The following ARHGAP22 variants were observed in gnomAD, a reference collection of about 807,000 sequenced individuals.
ARHGAP22 encodes rho GTPase-activating protein 22.
Under a neutral mutation model 59.1 loss-of-function variants are expected in ARHGAP22, and 48 were observed. The observed-to-expected ratio is 0.81, with a 90% CI of 0.64 to 1.03. The LOEUF (loss-of-function observed/expected upper bound fraction) is 1.03, where lower values mean the gene tolerates loss of function less well. Ranked by LOEUF, ARHGAP22 falls within the 50% of genes least tolerant of loss-of-function variation. ARHGAP22 has a pLI of 0.00. For synonymous variants in ARHGAP22, 445 were observed against 416.4 expected (o/e 1.07, Z -0.84); for missense variants, 1,015 against 958.7 (o/e 1.06, Z -0.78).
intron 5 of ARHGAP22, among the ~76,000 whole-genome samples, chr10:48,459,399 G>T (rs1011984100): frequency 6.6e-6 from 1 of 152,238 alleles, no homozygotes; most frequent in African/African-American, 2.4e-5. Context: ...TCACATGGGA[G>T]CCAGCAGAGG....
chr10:48,604,687 G>T, intron 1 of ARHGAP22, 76 bp downstream of exon 1: 1 of 1,610,694 alleles, frequency 6.2e-7, no homozygotes, highest in Non-Finnish European at 8.5e-7. Context: ...ATGGCGTGAC[G>T]GCTGGCCAAG....
intron 2 of ARHGAP22, among the ~76,000 whole-genome samples, chr10:48,555,877 C>T (rs2057276599): frequency 6.6e-6 from 1 of 152,168 alleles, no homozygotes; most frequent in African/African-American, 2.4e-5. Flanking sequence ...CTTTCTGGGC[C>T]AGCAGGGTTT....
At chr10:48,643,124 C>G (rs2062125391) in intron 1 of ARHGAP22, among the ~76,000 whole-genome samples, 1 of 152,146 alleles carries the variant, frequency 6.6e-6, no homozygotes, top group Non-Finnish European at 1.5e-5. Flanking sequence ...AATAGGAACA[C>G]TTTTACACTG....
At chr10:48,549,017 T>C (rs560963105) in intron 3 of ARHGAP22, among the ~76,000 whole-genome samples, 2 of 152,306 alleles carry the variant, frequency 1.3e-5, no homozygotes, top group African/African-American at 2.4e-5. Context: ...GCCTGTTAGA[T>C]GGGTTAGTAG....
chr10:48,577,085 A>G (rs2058764422), intron 2 of ARHGAP22, among the ~76,000 whole-genome samples: 1 of 151,806 alleles, frequency 6.6e-6, no homozygotes, highest in African/African-American at 2.4e-5. Flanking sequence ...AACTCCTTCT[A>G]TTCGGACATT....
At chr10:48,520,515 A>C (rs945339725) in intron 3 of ARHGAP22, among the ~76,000 whole-genome samples, 9 of 152,150 alleles carry the variant, frequency 5.9e-5, no homozygotes, top group South Asian at 2.1e-4. Flanking sequence ...GGAGGAGGAC[A>C]AAGGGGATTC....
intron 3 of ARHGAP22, among the ~76,000 whole-genome samples, chr10:48,496,789 G>A (rs1048660051): frequency 6.6e-6 from 1 of 152,184 alleles, no homozygotes; most frequent in Non-Finnish European, 1.5e-5. Context: ...GTAATGGAGG[G>A]GGGCTGCATC....
At chr10:48,561,085 G>T (rs1310697256) in intron 2 of ARHGAP22, among the ~76,000 whole-genome samples, 2 of 152,078 alleles carry the variant, frequency 1.3e-5, no homozygotes, top group Non-Finnish European at 2.9e-5. Flanking sequence ...TTGATTTCAA[G>T]ACATTGTAAA....
intron 5 of ARHGAP22, 45 bp from the exon 6 acceptor site, chr10:48,455,179 G>T: frequency 6.4e-7 from 1 of 1,555,638 alleles, no homozygotes. Flanking sequence ...GGGATGCCAG[G>T]GGACTTCAGG....
intron 1 of ARHGAP22, among the ~76,000 whole-genome samples, chr10:48,629,247 A>G (rs1348252419): frequency 6.6e-6 from 1 of 152,208 alleles, no homozygotes; most frequent in African/African-American, 2.4e-5. Flanking sequence ...TGGAAAGCCC[A>G]GCTAACCCTC....
At chr10:48,450,119 C>T in intron 9 of ARHGAP22, 142 bp downstream of exon 9, 1 of 1,261,702 alleles carries the variant, frequency 7.9e-7, no homozygotes, top group Non-Finnish European at 1.1e-6. Flanking sequence ...TAGGGCTTTC[C>T]CAGAGCTAGG....
At chr10:48,640,381 C>A (rs923763032) in intron 1 of ARHGAP22, among the ~76,000 whole-genome samples, 2 of 152,130 alleles carry the variant, frequency 1.3e-5, no homozygotes, top group East Asian at 3.8e-4. Flanking sequence ...ATAATTATCT[C>A]AAAGAATCCC....
At position 48,450,351 on chromosome 10, in the gene ARHGAP22, G is replaced by A. The variant is rs750723966; in HGVS notation, c.1778C>T (p.Ala593Val). The change falls in exon 9 of 10, where the codon GCG becomes GTG. Residue 593 changes from alanine to valine, a missense_variant. Coordinates refer to ENST00000249601, the MANE Select transcript of ARHGAP22 (RefSeq NM_021226.4). ...CCCCTGTAAGGCCTCGGAGCGGCGCGCGTGTTCCCGGGTGGGGCTGTCCGG... is the reference window on the plus strand; with the variant it reads ...CCCCTGTAAGGCCTCGGAGCGGCGCACGTGTTCCCGGGTGGGGCTGTCCGG... ...SEPDSPTREH[A>V]RRSEALQGLV... 43 of 1,590,986 alleles carry A rather than the reference G, an allele frequency of 2.7e-5. No individual in the cohort carries two copies. Among genetic ancestry groups the A allele is most frequent in the Non-Finnish European group, 3.6e-5 (42 of 1,169,346 alleles).
At chr10:48,455,197 G>A (rs1224387480) in intron 5 of ARHGAP22, 63 bp from the exon 6 acceptor site, 214 of 1,499,832 alleles carry the variant, frequency 1.4e-4, no homozygotes, top group Non-Finnish European at 3.6e-5. Flanking sequence ...AGGGGTGACT[G>A]GTACGCCCTG....
At chr10:48,535,816 T>C (rs950102204) in intron 3 of ARHGAP22, among the ~76,000 whole-genome samples, 1 of 152,220 alleles carries the variant, frequency 6.6e-6, no homozygotes, top group African/African-American at 2.4e-5. Context: ...TAGAAGGCCC[T>C]GAGGGTTGTC....
chr10:48,501,324 A>C (rs2051500185), intron 3 of ARHGAP22, among the ~76,000 whole-genome samples: 1 of 152,252 alleles, frequency 6.6e-6, no homozygotes, highest in Non-Finnish European at 1.5e-5. Context: ...TTAAAAAACA[A>C]ATGAAAATGA....
At chr10:48,645,170 G>A (rs533668873) in intron 1 of ARHGAP22, among the ~76,000 whole-genome samples, 5 of 152,116 alleles carry the variant, frequency 3.3e-5, no homozygotes, top group East Asian at 3.9e-4. Context: ...ATACATGCAC[G>A]TGCCCCCACC....
At chr10:48,655,112 C>CTCTTCTATTCTCTTCTCTTCTCTTT (rs1554968197), upstream of ARHGAP22, among the ~76,000 whole-genome samples, 37 of 34,174 alleles carry the variant, frequency 1.1e-3, 5 homozygotes, top group African/African-American at 4.2e-3. Flanking sequence ...CTCTTCTCTT[C>CTCTTCTATTCTCTTCTCTTCTCTTT]TCTTTCCTCT....
At chr10:48,547,990 G>A (rs1381941538) in intron 3 of ARHGAP22, among the ~76,000 whole-genome samples, 2 of 152,220 alleles carry the variant, frequency 1.3e-5, no homozygotes, top group Non-Finnish European at 2.9e-5. Flanking sequence ...CCCACTAGGC[G>A]AAGTCTTGGG....
Sources: allele counts gnomAD v4.1 joint callset (sites outside exome capture counted in the v4.1 genomes callset), GRCh38; gene constraint gnomAD v4.1.1; transcripts MANE v1.5; gene names NCBI Gene and HGNC (gene_info 2026-07-23, HGNC 2026-07-21).